The following SLC22A11 variants were observed in gnomAD, a reference collection of about 807,000 sequenced individuals.
SLC22A11 encodes organic anion transporter 4.
A neutral mutation model predicts 49.4 loss-of-function variants in SLC22A11; 42 were observed. That is an observed-to-expected ratio of 0.85 (90% confidence interval 0.66 to 1.10). The LOEUF is 1.10. Among genes scored for constraint, SLC22A11 ranks in the 50% least tolerant of loss-of-function variants. SLC22A11 has a pLI of 0.00. For missense variants in SLC22A11, 685 were observed against 731.6 expected (o/e 0.94, Z 0.74); for synonymous variants, 304 against 315.8 (o/e 0.96, Z 0.40).
At position 64,565,475 on chromosome 11, in the gene SLC22A11, C is replaced by G; in HGVS notation, c.1058+138C>G. ...GGGTGCATTTCTGTCTGGGACAGGA[C>G]GCAGACAGCCCCAGCAGGCAGGAGT... is the stretch of plus-strand genomic sequence containing the variant. On this transcript the variant is annotated intron_variant, in intron 6 of 9. Coordinates refer to ENST00000301891, the MANE Select transcript of SLC22A11 (RefSeq NM_018484.4). The surrounding 1 kb of genome is among the most constrained non-coding windows in gnomAD (Gnocchi z 4.1). The G allele has an allele frequency of 1.4e-6, 1 of 729,018 alleles. No homozygotes were observed. 45.2% of individuals were successfully genotyped at this position (729,018 alleles called of 1,614,324 possible). A position where few individuals can be genotyped will look rare whatever the true frequency, so the allele number is the denominator to read the frequency against.
intron 8 of SLC22A11, among the ~76,000 whole-genome samples, 189 bp from the exon 9 acceptor site, chr11:64,569,463 A>G (rs1302986502): frequency 2.0e-5 from 3 of 152,136 alleles, no homozygotes; most frequent in South Asian, 4.1e-4. Flanking sequence ...TGGGCCCTAG[A>G]GATTTCCCCT....
intron 1 of SLC22A11, 64 bp from the exon 2 acceptor site, chr11:64,559,071 C>T (rs1027443454): frequency 3.6e-5 from 52 of 1,435,694 alleles, no homozygotes; most frequent in South Asian, 1.6e-4. Context: ...AGGCGTTCCT[C>T]GGCCGTGCCC....
intron 7 of SLC22A11, 37 bp downstream of exon 7, chr11:64,567,850 G>A (rs1368821704): frequency 6.5e-7 from 1 of 1,538,654 alleles, no homozygotes; most frequent in Admixed American, 2.0e-5. Context: ...ACCGGGCCCT[G>A]CTTCCCCGCC....
chr11:64,571,130 C>A lies in SLC22A11; in HGVS notation c.*88C>A. 2 of 1,443,772 alleles carry A rather than the reference C, an allele frequency of 1.4e-6. No individual in the cohort carries two copies. The highest frequency in any genetic ancestry group is 1.9e-6 in the Non-Finnish European group (2 of 1,030,050). The allele number at this position is 1,443,772 out of a possible 1,614,324, so 89.4% of individuals were successfully genotyped here. On this transcript the variant is annotated 3_prime_UTR_variant, in exon 10 of 10. Coordinates refer to ENST00000301891, the MANE Select transcript of SLC22A11 (RefSeq NM_018484.4). ...AATCAGAGCGTGGAGGCGAGTTGGG[C>A]GACTTCAAGGGCCTGGCATGGCAGA... is the stretch of plus-strand genomic sequence containing the variant.
intron 2 of SLC22A11, among the ~76,000 whole-genome samples, 179 bp from the exon 3 acceptor site, chr11:64,561,825 G>T (rs962800897): frequency 4.6e-5 from 7 of 151,916 alleles, no homozygotes; most frequent in African/African-American, 2.4e-5. Flanking sequence ...CCATGGCAAG[G>T]TACCTGCCAC....
At position 64,565,335 on chromosome 11, in the gene SLC22A11, G is replaced by A. The variant is rs1324681490; in HGVS notation, c.1056G>A (p.Val352=). The part of the protein sequence containing the change: ...LRWRSCAMLV[V]NFSLLISYYG... ...GGAGGAGCTGCGCCATGCTGGTGGT[G>A]AAGTACGCCGTCCTGGTGTCCCTCC... The change falls in exon 6 of 10, where the codon GTG becomes GTA. Residue 352 remains valine, a splice_region_variant and synonymous_variant. Transcript: ENST00000301891. The surrounding 1 kb of genome is among the most constrained non-coding windows in gnomAD (Gnocchi z 4.1). 6.5e-7 allele frequency: 1 copy of A among 1,548,254 alleles called. No individual in the cohort carries two copies. Among genetic ancestry groups the A allele is most frequent in the Non-Finnish European group, 8.7e-7 (1 of 1,146,790 alleles).
intron 2 of SLC22A11, among the ~76,000 whole-genome samples, chr11:64,560,964 T>A (rs1009906648): frequency 6.6e-6 from 1 of 152,204 alleles, no homozygotes; most frequent in African/African-American, 2.4e-5. Context: ...TGGGCCTCAG[T>A]TTCCCCCCAG....
rs71456317 is a variant in SLC22A11, at chr11:64,560,331, G to A, written c.497+1093G>A. The stretch of plus-strand genomic sequence containing the variant: ...CGCTGCCACAGCACTGAGTGACTTT[G>A]CAAAATCTCGGAGGTTGATCTGGTC... On this transcript the variant is annotated intron_variant, in intron 2 of 9. Coordinates refer to ENST00000301891, the MANE Select transcript of SLC22A11 (RefSeq NM_018484.4). 4.9e-3 allele frequency among the ~76,000 whole-genome samples: 746 copies of A among 152,146 alleles called. 3 individuals are homozygous for A. The highest frequency in any genetic ancestry group is 5.9e-3 in the Non-Finnish European group (404 of 67,990).
At position 64,565,385 on chromosome 11, in the gene SLC22A11, G is replaced by A. The variant is rs1408126163; in HGVS notation, c.1058+48G>A. 1 of 1,487,290 alleles carries A rather than the reference G, an allele frequency of 6.7e-7. No individual in the cohort carries two copies. The highest frequency in any genetic ancestry group is 2.0e-5 in the Admixed American group (1 of 50,894). The allele number at this position is 1,487,290 out of a possible 1,614,324, so 92.1% of individuals were successfully genotyped here. On this transcript the variant is annotated intron_variant, in intron 6 of 9. Coordinates refer to ENST00000301891, the MANE Select transcript of SLC22A11 (RefSeq NM_018484.4). The surrounding 1 kb of genome is among the most constrained non-coding windows in gnomAD (Gnocchi z 4.1). ...CCCAAGGCAGGGCTGGGACAGGCAG[G>A]AGGCAGAGCTGGGACAGGCAGGAGG... is the stretch of plus-strand genomic sequence containing the variant.
In SLC22A11 at chr11:64,571,167, C is replaced by A; in HGVS notation, c.*125C>A. On this transcript the variant is annotated 3_prime_UTR_variant, in exon 10 of 10. Transcript: ENST00000301891. ...CCTGGCATGGCAGAGGCCAGGCAGCCGTGGCCGAGTGGACAGCGTGGCCGT... is the reference window on the plus strand; with the variant it reads ...CCTGGCATGGCAGAGGCCAGGCAGCAGTGGCCGAGTGGACAGCGTGGCCGT... 2 of 1,051,908 alleles carry A rather than the reference C, an allele frequency of 1.9e-6. No homozygotes were observed. Among genetic ancestry groups the A allele is most frequent in the South Asian group, 1.4e-5 (1 of 72,572 alleles). The allele number at this position is 1,051,908 out of a possible 1,614,324, so 65.2% of individuals were successfully genotyped here.
Position 64,565,216 on chromosome 11 carries a change from C to T in SLC22A11, c.943-6C>T, listed in dbSNP as rs1261864650. On this transcript the variant is annotated splice_polypyrimidine_tract_variant and splice_region_variant and intron_variant, in intron 5 of 9. Transcript: ENST00000301891. The surrounding 1 kb of genome is among the most constrained non-coding windows in gnomAD (Gnocchi z 4.1). ...CCATTCACGGTGCCCCCATTCTCCC[C>T]GGAAGGTGCTGATGTCCAGCGTGAA... 31 of 1,527,546 alleles carry T rather than the reference C, an allele frequency of 2.0e-5. No individual in the cohort carries two copies. The highest frequency in any genetic ancestry group is 4.9e-5 in the East Asian group (2 of 40,612). The allele number at this position is 1,527,546 out of a possible 1,614,324, so 94.6% of individuals were successfully genotyped here. A position where few individuals can be genotyped will look rare whatever the true frequency, so the allele number is the denominator to read the frequency against.
rs1342337550 is a variant in SLC22A11 at position 64,562,570 on chromosome 11, G to T, written c.821+135G>T. On this transcript the variant is annotated intron_variant, in intron 4 of 9. Coordinates refer to ENST00000301891, the MANE Select transcript of SLC22A11 (RefSeq NM_018484.4). This position sits in a 1 kb window ranked among gnomAD's most constrained non-coding sequence, Gnocchi z 4.4. ...GGGCCATGGCATGAGCGGCACCCTC[G>T]CTAGGGAGGGACATTGGTGATTGGC... 7 of 928,492 alleles carry T rather than the reference G, an allele frequency of 7.5e-6. No homozygotes were observed. Among genetic ancestry groups the T allele is most frequent in the Admixed American group, 5.8e-5 (2 of 34,212 alleles). The allele number at this position is 928,492 out of a possible 1,614,324, so 57.5% of individuals were successfully genotyped here. A position where few individuals can be genotyped will look rare whatever the true frequency, so the allele number is the denominator to read the frequency against.
chr11:64,557,201 G>A (rs2038474540), intron 1 of SLC22A11, among the ~76,000 whole-genome samples: 1 of 152,238 alleles, frequency 6.6e-6, no homozygotes, highest in Non-Finnish European at 1.5e-5. Flanking sequence ...TGTGGGATGG[G>A]TCCTATGACA....
intron 6 of SLC22A11, 118 bp from the exon 7 acceptor site, chr11:64,567,481 G>A: frequency 1.1e-6 from 1 of 910,904 alleles, no homozygotes; most frequent in Non-Finnish European, 1.7e-6. Flanking sequence ...GACAAGCCCA[G>A]GATTGTCCTC....
intron 8 of SLC22A11, among the ~76,000 whole-genome samples, chr11:64,569,359 G>A (rs2038672547): frequency 6.6e-6 from 1 of 152,134 alleles, no homozygotes; most frequent in African/African-American, 2.4e-5. Context: ...TATTGATTTT[G>A]TTGATATCGT....
In SLC22A11 at chr11:64,569,747, C is replaced by A; in HGVS notation, c.1478C>A (p.Pro493His). ...AGCCGCCAAGCCCTGCCCCTGCTGC[C>A]TCCTCTCCTCTATGGCGTTATCTCC... ...LMSRQALPLLPPLLYGVISIA... is the reference protein window; with the variant it reads ...LMSRQALPLLHPLLYGVISIA... Residue 493 changes from proline to histidine, a missense_variant, in exon 9 of 10, where the codon CCT becomes CAT. Transcript: ENST00000301891. 6.2e-7 allele frequency: 1 copy of A among 1,614,194 alleles called. No homozygotes were observed.
chr11:64,559,251 G>A lies in SLC22A11; in HGVS notation c.497+13G>A, dbSNP rs527253114. ...TCCTCTCCTACCGGTGAGTGCCTCC[G>A]CTCCTCCCAGCCCCCAGCTCCCTCA... On this transcript the variant is annotated intron_variant, in intron 2 of 9. Coordinates refer to ENST00000301891, the MANE Select transcript of SLC22A11 (RefSeq NM_018484.4). 41 of 1,551,292 alleles carry A rather than the reference G, an allele frequency of 2.6e-5. No individual in the cohort carries two copies. The South Asian group carries it at 3.5e-4, about 13-fold the overall frequency.
intron 6 of SLC22A11, among the ~76,000 whole-genome samples, chr11:64,567,312 T>C (rs1437505379): frequency 1.3e-5 from 2 of 152,320 alleles, no homozygotes; most frequent in Admixed American, 6.5e-5. Flanking sequence ...AGGGCAGACT[T>C]GGTCCCAGCC....
chr11:64,564,511 C>T lies in SLC22A11; in HGVS notation c.942+83C>T. 6.5e-7 allele frequency: 1 copy of T among 1,539,162 alleles called. No homozygotes were observed. On this transcript the variant is annotated intron_variant, in intron 5 of 9. Coordinates refer to ENST00000301891, the MANE Select transcript of SLC22A11 (RefSeq NM_018484.4). The surrounding 1 kb of genome is among the most constrained non-coding windows in gnomAD (Gnocchi z 4.2). ...TCCGTGTGGCCTCCAACAGCACCAC[C>T]CACTCCAGCACCACCTCCACCAGCA...
Sources: allele counts gnomAD v4.1 joint callset (sites outside exome capture counted in the v4.1 genomes callset), GRCh38; gene constraint gnomAD v4.1.1; non-coding constraint Gnocchi (gnomAD v3.1); transcripts MANE v1.5; gene names NCBI Gene and HGNC (gene_info 2026-07-23, HGNC 2026-07-21).